The following ULK4 variants were observed in gnomAD, a reference collection of about 807,000 sequenced individuals.
The protein encoded by ULK4 is inactive serine/threonine-protein kinase ULK4.
Under a neutral mutation model 160.6 loss-of-function variants are expected in ULK4, and 133 were observed. The ratio of observed to expected loss-of-function variants is 0.83; its 90% CI spans 0.72 to 0.96. The LOEUF is 0.96. Among genes scored for constraint, ULK4 ranks in the 40% least tolerant of loss-of-function variants. ULK4 has a pLI of 0.00. For missense variants in ULK4, 1,580 were observed against 1,499.5 expected (o/e 1.05, Z -0.89); for synonymous variants, 534 against 539.8 (o/e 0.99, Z 0.15).
intron 35 of ULK4, among the ~76,000 whole-genome samples, chr3:41,365,751 T>C (rs184712389): frequency 1.3e-5 from 2 of 152,106 alleles, no homozygotes; most frequent in Admixed American, 6.5e-5. Flanking sequence ...GTTAAATGAG[T>C]GTTTCATTGC....
chr3:41,706,362 T>C (rs13090646), intron 25 of ULK4, among the ~76,000 whole-genome samples: 24 of 131,076 alleles, frequency 1.8e-4, no homozygotes, highest in Admixed American at 1.2e-3. Context: ...TATATATATT[T>C]ATATATATAT....
chr3:41,907,832 C>A lies in ULK4; in HGVS notation c.1182+13G>T. Reference sequence around the variant, plus strand: ...CATCTTATGTAGGAAGAAAATTTCCCAAGTCTGCTCACCTTGGTCAGAGGA... The same window carrying A: ...CATCTTATGTAGGAAGAAAATTTCCAAAGTCTGCTCACCTTGGTCAGAGGA... On this transcript the variant is annotated intron_variant, in intron 12 of 36. Transcript: ENST00000301831. The A allele has an allele frequency of 1.3e-6, 2 of 1,532,818 alleles. No homozygotes were observed. Among genetic ancestry groups the A allele is most frequent in the African/African-American group, 1.4e-5 (1 of 70,974 alleles). 95.0% of individuals were successfully genotyped at this position (1,532,818 alleles called of 1,614,324 possible). A position where few individuals can be genotyped will look rare whatever the true frequency, so the allele number is the denominator to read the frequency against.
chr3:41,567,443 A>ATTTTTTTTT (rs71288055), intron 31 of ULK4, among the ~76,000 whole-genome samples: 2 of 90,302 alleles, frequency 2.2e-5, no homozygotes, highest in African/African-American at 4.5e-5. Flanking sequence ...CACTTAACAG[A>ATTTTTTTTT]TTTTTTTTTT....
At position 41,912,827 on chromosome 3, in the gene ULK4, G is replaced by A. The variant is rs371153917; in HGVS notation, c.876C>T (p.Ser292=). 269 of 1,614,058 alleles carry A rather than the reference G, an allele frequency of 1.7e-4. No individual in the cohort carries two copies. In the African/African-American group the frequency reaches 2.4e-3, roughly 14 times the overall value. The change falls in exon 9 of 37, where the codon AGC becomes AGT. Residue 292 remains serine, a synonymous_variant. Transcript: ENST00000301831. Reference sequence around the variant, plus strand: ...ACTACCTGAGACTGAGATCTTCGACGCTTGATTCCTGATCTGCTCCAGCAA... The same window carrying A: ...ACTACCTGAGACTGAGATCTTCGACACTTGATTCCTGATCTGCTCCAGCAA... ...KAFAGADQES[S]VEDLSLSRNT...
rs535032548 is a variant in ULK4, at chr3:41,924,425, G to A, written c.542-4607C>T. 6.4e-4 allele frequency among the ~76,000 whole-genome samples: 98 copies of A among 152,254 alleles called. 1 individual carries two copies. Among genetic ancestry groups the A allele is most frequent in the South Asian group, 5.8e-3 (28 of 4,820 alleles). ...TGGTTACGAAAGCGTCCTCTCCCCT[G>A]GCCAAACAGACTAACCTGCCCTGTC... On this transcript the variant is annotated intron_variant, in intron 5 of 36. Coordinates refer to ENST00000301831, the MANE Select transcript of ULK4 (RefSeq NM_017886.4).
chr3:41,885,883 G>C (rs1355577491), intron 16 of ULK4, among the ~76,000 whole-genome samples: 1 of 151,986 alleles, frequency 6.6e-6, no homozygotes, highest in Non-Finnish European at 1.5e-5. Context: ...TCGCCATGTT[G>C]TCCAGGCTGG....
At chr3:41,890,157 T>C (rs892093213) in intron 16 of ULK4, among the ~76,000 whole-genome samples, 2 of 152,220 alleles carry the variant, frequency 1.3e-5, no homozygotes, top group African/African-American at 4.8e-5. Context: ...ATAATGGCAA[T>C]GGTTGAACAA....
chr3:41,710,102 C>A (rs1247359716), intron 25 of ULK4, among the ~76,000 whole-genome samples: 2 of 152,020 alleles, frequency 1.3e-5, no homozygotes, highest in African/African-American at 4.8e-5. Context: ...CTGTCTTTTT[C>A]ACATATATAT....
intron 34 of ULK4, among the ~76,000 whole-genome samples, chr3:41,420,744 G>T (rs1019918362): frequency 1.3e-5 from 2 of 148,312 alleles, no homozygotes; most frequent in African/African-American, 5.0e-5. Flanking sequence ...CTCGGCCTCC[G>T]AAAATGCTGG....
chr3:41,749,341 G>C (rs1410567184), intron 22 of ULK4, among the ~76,000 whole-genome samples: 1 of 152,074 alleles, frequency 6.6e-6, no homozygotes, highest in Non-Finnish European at 1.5e-5. Context: ...AAATTAGTCA[G>C]GCATGGCGGC....
At chr3:41,336,989 G>T (rs117109299) in intron 35 of ULK4, among the ~76,000 whole-genome samples, 2 of 152,238 alleles carry the variant, frequency 1.3e-5, no homozygotes, top group East Asian at 3.9e-4. Context: ...ATGCTGTGCA[G>T]GTCACATTTT....
chr3:41,625,374 A>C (rs145947552), intron 30 of ULK4, among the ~76,000 whole-genome samples: 31 of 152,180 alleles, frequency 2.0e-4, no homozygotes, highest in Non-Finnish European at 3.7e-4. Flanking sequence ...ATGTGGTTTT[A>C]AAAAATCGGT....
intron 35 of ULK4, among the ~76,000 whole-genome samples, chr3:41,303,157 T>G (rs1483965876): frequency 6.6e-6 from 1 of 152,208 alleles, no homozygotes; most frequent in East Asian, 1.9e-4. Flanking sequence ...ATTATTTGCC[T>G]TTTAAGTGAT....
At chr3:41,652,056 A>G (rs1384003875) in intron 30 of ULK4, among the ~76,000 whole-genome samples, 1 of 152,218 alleles carries the variant, frequency 6.6e-6, no homozygotes, top group Non-Finnish European at 1.5e-5. Flanking sequence ...CAAAAGTTTA[A>G]GTTGTCCCTG....
At chr3:41,720,010 A>G (rs575906029) in intron 22 of ULK4, among the ~76,000 whole-genome samples, 8 of 152,164 alleles carry the variant, frequency 5.3e-5, no homozygotes, top group Middle Eastern at 3.2e-3. Flanking sequence ...CTCTTTGCCA[A>G]TAAATTCATA....
intron 30 of ULK4, among the ~76,000 whole-genome samples, chr3:41,639,551 A>G (rs1331139405): frequency 6.6e-6 from 1 of 152,144 alleles, no homozygotes; most frequent in Non-Finnish European, 1.5e-5. Flanking sequence ...AACATGGTGA[A>G]ACCCCATCTC....
chr3:41,961,228 A>G (rs1298380861), intron 1 of ULK4, among the ~76,000 whole-genome samples: 1 of 152,202 alleles, frequency 6.6e-6, no homozygotes, highest in Non-Finnish European at 1.5e-5. Flanking sequence ...AGGTGATAAG[A>G]GCGCACAGGT....
rs985658518 is a variant in ULK4, at chr3:41,938,114, C to T, written c.222G>A (p.Val74=). The T allele has an allele frequency of 6.2e-7, 1 of 1,612,078 alleles. No homozygotes were observed. Among genetic ancestry groups the T allele is most frequent in the Non-Finnish European group, 8.5e-7 (1 of 1,178,948 alleles). ...CTTTCTTACCTGTGCAGAGTTCCAC[C>T]ACTAGCCAGAGGTGGTTGCTTGTTT... is the stretch of plus-strand genomic sequence containing the variant. ...WYETSNHLWL[V]VELCTGGSLK... The change falls in exon 3 of 37, where the codon GTG becomes GTA. Residue 74 remains valine, a synonymous_variant. Coordinates refer to ENST00000301831, the MANE Select transcript of ULK4 (RefSeq NM_017886.4).
chr3:41,688,930 C>T (rs2036189883), intron 27 of ULK4, among the ~76,000 whole-genome samples: 1 of 152,182 alleles, frequency 6.6e-6, no homozygotes, highest in Admixed American at 6.5e-5. Context: ...GAAGCCAAAA[C>T]CACAACCTCT....
Sources: gnomAD v4.1 joint callset for allele counts (sites outside exome capture counted in the v4.1 genomes callset) on GRCh38, gnomAD v4.1.1 for gene constraint, MANE v1.5 for transcripts, NCBI Gene and HGNC (gene_info 2026-07-23, HGNC 2026-07-21) for gene names.